The following DLG2 variants were observed in gnomAD, a reference collection of about 807,000 sequenced individuals.
DLG2 encodes the protein disks large homolog 2.
A neutral mutation model predicts 132.5 loss-of-function variants in DLG2; 45 were observed. That is an observed-to-expected ratio of 0.34 (90% CI 0.27 to 0.44). The LOEUF is 0.44. Among genes scored for constraint, DLG2 ranks in the 20% least tolerant of loss-of-function variants. The pLI is 1.00. For missense variants in DLG2, 1,045 were observed against 1,196.9 expected, an observed-to-expected ratio of 0.87 and a Z score of 1.87; for synonymous variants, 424 against 419.6, an observed-to-expected ratio of 1.01 and a Z score of -0.13.
intron 6 of DLG2, among the ~76,000 whole-genome samples, chr11:84,775,447 T>C (rs1218700390): frequency 6.6e-6 from 1 of 152,036 alleles, no homozygotes; most frequent in African/African-American, 2.4e-5. Context: ...AGAAAATAAA[T>C]CATCCTACCA....
intron 6 of DLG2, among the ~76,000 whole-genome samples, chr11:84,952,273 C>T (rs1447996216): frequency 2.0e-5 from 3 of 152,156 alleles, no homozygotes; most frequent in Non-Finnish European, 4.4e-5. Context: ...TGGCCGGGCG[C>T]GGTGGCTCAC....
rs1044668694 is a variant in DLG2 at position 85,381,503 on chromosome 11, A to G, written c.41-96138T>C. On this transcript the variant is annotated intron_variant, in intron 3 of 27. Coordinates refer to ENST00000376104, the MANE Select transcript of DLG2 (RefSeq NM_001142699.3). Reference sequence around the variant, plus strand: ...TTATACTGGAGGTTTTAGCCAGGGTAATTAGGCAAGAAAAAGAAATCAAAG... The same window carrying G: ...TTATACTGGAGGTTTTAGCCAGGGTGATTAGGCAAGAAAAAGAAATCAAAG... 5.9e-5 allele frequency among the ~76,000 whole-genome samples: 9 copies of G among 152,280 alleles called. 1 individual carries two copies. The highest frequency in any genetic ancestry group is 2.2e-4 in the African/African-American group (9 of 41,556).
At chr11:84,708,427 C>G (rs79313608) in intron 6 of DLG2, among the ~76,000 whole-genome samples, 2 of 151,870 alleles carry the variant, frequency 1.3e-5, no homozygotes, top group African/African-American at 4.8e-5. Flanking sequence ...TCTCTTAAAC[C>G]TTATGACCAC....
chr11:83,778,704 A>C (rs548642596), intron 18 of DLG2, among the ~76,000 whole-genome samples: 1 of 152,028 alleles, frequency 6.6e-6, no homozygotes, highest in Non-Finnish European at 1.5e-5. Context: ...TTTTGTCCTT[A>C]TTATATTACT....
intron 4 of DLG2, among the ~76,000 whole-genome samples, chr11:85,284,381 A>C (rs117872524): frequency 0.015 from 2,356 of 152,016 alleles, 28 homozygotes; most frequent in Non-Finnish European, 0.024. Flanking sequence ...CTCAATATTA[A>C]CAATACAAAC....
intron 8 of DLG2, among the ~76,000 whole-genome samples, chr11:84,243,905 TAAC>T (rs2097267607): frequency 6.6e-6 from 1 of 152,234 alleles, no homozygotes; most frequent in Non-Finnish European, 1.5e-5. Context: ...TGAGTATTCA[TAAC>T]AACCCCTGCA....
intron 3 of DLG2, among the ~76,000 whole-genome samples, chr11:85,356,502 A>G (rs1281066951): frequency 1.3e-5 from 2 of 152,186 alleles, no homozygotes; most frequent in African/African-American, 2.4e-5. Flanking sequence ...TCCAATTTTG[A>G]TAAGTCTGGT....
At chr11:84,370,788 A>G (rs184049750) in intron 7 of DLG2, among the ~76,000 whole-genome samples, 215 of 152,256 alleles carry the variant, frequency 1.4e-3, no homozygotes, top group South Asian at 2.7e-3. Context: ...AACTGAAAGT[A>G]TAGGGAGTAG....
chr11:84,256,960 A>T (rs2154354711), intron 7 of DLG2, among the ~76,000 whole-genome samples: 1 of 152,340 alleles, frequency 6.6e-6, no homozygotes, highest in African/African-American at 2.4e-5. Flanking sequence ...GAAGATTTCC[A>T]TCGGGATGAG....
At chr11:84,159,120 T>C (rs1485255914) in intron 9 of DLG2, among the ~76,000 whole-genome samples, 4 of 152,206 alleles carry the variant, frequency 2.6e-5, no homozygotes, top group Admixed American at 2.6e-4. Context: ...CTTCCAGTAA[T>C]ACAACCAGGC....
At chr11:85,274,895 C>T (rs2077789119) in intron 4 of DLG2, among the ~76,000 whole-genome samples, 1 of 152,088 alleles carries the variant, frequency 6.6e-6, no homozygotes, top group Non-Finnish European at 1.5e-5. Context: ...GCTAGGTTTC[C>T]CCTCTCAGTT....
At chr11:84,413,780 T>C (rs1354020503) in intron 7 of DLG2, among the ~76,000 whole-genome samples, 2 of 152,212 alleles carry the variant, frequency 1.3e-5, no homozygotes, top group Admixed American at 6.5e-5. Context: ...TCAGTGAACC[T>C]TTCCTCTGCA....
intron 16 of DLG2, among the ~76,000 whole-genome samples, chr11:83,863,986 C>T (rs2061867815): frequency 6.6e-6 from 1 of 152,132 alleles, no homozygotes; most frequent in South Asian, 2.1e-4. Context: ...TAATGCTTGA[C>T]CACAGGAGAA....
intron 6 of DLG2, among the ~76,000 whole-genome samples, chr11:84,538,049 A>G (rs1306520284): frequency 6.6e-6 from 1 of 152,210 alleles, no homozygotes; most frequent in African/African-American, 2.4e-5. Context: ...ACTGAAAAGA[A>G]CAACCCTTGA....
At chr11:84,531,396 G>A (rs1174531165) in intron 7 of DLG2, among the ~76,000 whole-genome samples, 3 of 152,068 alleles carry the variant, frequency 2.0e-5, no homozygotes, top group African/African-American at 7.2e-5. Flanking sequence ...ACCTAGTGAT[G>A]AAATAATCTG....
chr11:85,266,880 T>A (rs1212038009), intron 4 of DLG2, among the ~76,000 whole-genome samples: 1 of 152,166 alleles, frequency 6.6e-6, no homozygotes, highest in Non-Finnish European at 1.5e-5. Flanking sequence ...AAACCAAAAC[T>A]TTTTAGTGTT....
intron 3 of DLG2, among the ~76,000 whole-genome samples, chr11:85,570,872 C>G (rs1264761994): frequency 2.6e-5 from 4 of 152,054 alleles, no homozygotes; most frequent in Admixed American, 2.6e-4. Flanking sequence ...TTTTCTCCTA[C>G]CTGTTCAAAT....
intron 4 of DLG2, among the ~76,000 whole-genome samples, chr11:85,255,439 A>G (rs2076621201): frequency 6.6e-6 from 1 of 152,236 alleles, no homozygotes; most frequent in Admixed American, 6.5e-5. Context: ...ATATACTCAT[A>G]ATAATGCTTA....
chr11:84,623,618 T>G (rs969138094), intron 6 of DLG2, among the ~76,000 whole-genome samples: 2 of 152,208 alleles, frequency 1.3e-5, no homozygotes, highest in African/African-American at 4.8e-5. Flanking sequence ...CTGTACATCA[T>G]TCTTCTGCAT....
Sources: gnomAD v4.1 joint callset for allele counts (sites outside exome capture counted in the v4.1 genomes callset) on GRCh38, gnomAD v4.1.1 for gene constraint, MANE v1.5 for transcripts, NCBI Gene and HGNC (gene_info 2026-07-23, HGNC 2026-07-21) for gene names.